Variants in HS6ST1 observed in about 807,000 individuals in gnomAD.
HS6ST1 encodes the protein heparan-sulfate 6-O-sulfotransferase 1.
In HS6ST1, 3 loss-of-function variants were observed where a neutral mutation model predicts 25.2. The observed-to-expected ratio is 0.12, with a 90% CI of 0.05 to 0.31. The LOEUF is 0.31. Among genes scored for constraint, HS6ST1 ranks in the 10% least tolerant of loss-of-function variants. HS6ST1 has a pLI of 1.00. For missense variants in HS6ST1, 310 were observed against 609.6 expected (o/e 0.51, Z 5.18); for synonymous variants, 204 against 275.1 (o/e 0.74, Z 2.56).
At chr2:128,277,360 A>T (rs1444051841) in intron 1 of HS6ST1, among the ~76,000 whole-genome samples, 1 of 152,188 alleles carries the variant, frequency 6.6e-6, no homozygotes, top group African/African-American at 2.4e-5. Flanking sequence ...CGTGCCATGT[A>T]CTGGGACAGA....
chr2:128,294,113 C>T (rs1386436645), intron 1 of HS6ST1, among the ~76,000 whole-genome samples: 2 of 152,188 alleles, frequency 1.3e-5, no homozygotes, highest in Non-Finnish European at 2.9e-5. Context: ...TGGAAACCTG[C>T]CCCAAACTCC....
intron 1 of HS6ST1, among the ~76,000 whole-genome samples, chr2:128,295,450 C>T (rs1461347898): frequency 1.3e-5 from 2 of 152,228 alleles, no homozygotes; most frequent in Admixed American, 1.3e-4. Context: ...GAGAGGCTCT[C>T]CTGGGACTAA....
intron 1 of HS6ST1, among the ~76,000 whole-genome samples, chr2:128,296,711 T>TA (rs1423926115): frequency 1.3e-5 from 2 of 152,104 alleles, no homozygotes. Context: ...TGAAAGAAAT[T>TA]AAAGACAACC....
chr2:128,313,311 A>G (rs1694317872), intron 1 of HS6ST1, among the ~76,000 whole-genome samples: 1 of 152,238 alleles, frequency 6.6e-6, no homozygotes, highest in Non-Finnish European at 1.5e-5. Context: ...CCCACAGAGT[A>G]CAGAATGAGC....
At chr2:128,282,882 A>G (rs1443860930) in intron 1 of HS6ST1, among the ~76,000 whole-genome samples, 1 of 152,210 alleles carries the variant, frequency 6.6e-6, no homozygotes, top group African/African-American at 2.4e-5. Context: ...GCTGCAGGCC[A>G]CAGCTCCTAA....
At position 128,270,722 on chromosome 2, in the gene HS6ST1, TG is replaced by T. The variant is rs535482468; in HGVS notation, c.528-1853del. Among the ~76,000 whole-genome samples, 242 of 152,282 alleles carry T rather than the reference TG, an allele frequency of 1.6e-3. 1 individual carries two copies. Among genetic ancestry groups the T allele is most frequent in the African/African-American group, 5.5e-3 (228 of 41,560 alleles). On this transcript the variant is annotated intron_variant, in intron 1 of 1. Transcript: ENST00000259241. ...CATGGACCTCCGCTCCCCACTCCTG[TG>T]GGGCCGTGACCAAATGGATGGAGAC...
intron 1 of HS6ST1, among the ~76,000 whole-genome samples, chr2:128,270,560 G>A (rs1693595076): frequency 6.6e-6 from 1 of 152,216 alleles, no homozygotes; most frequent in African/African-American, 2.4e-5. Context: ...TAATGACCAA[G>A]GGCCAGGGAG....
chr2:128,277,808 A>G (rs1035666746), intron 1 of HS6ST1, among the ~76,000 whole-genome samples: 4 of 152,270 alleles, frequency 2.6e-5, no homozygotes, highest in Non-Finnish European at 5.9e-5. Flanking sequence ...ATGCGCTATG[A>G]AATAATTCTA....
chr2:128,305,328 T>C (rs1338664244), intron 1 of HS6ST1, among the ~76,000 whole-genome samples: 1 of 152,226 alleles, frequency 6.6e-6, no homozygotes, highest in East Asian at 1.9e-4. Flanking sequence ...CCGATGGGCC[T>C]GCTTGGACAG....
intron 1 of HS6ST1, among the ~76,000 whole-genome samples, chr2:128,271,866 C>G (rs1020374194): frequency 3.3e-5 from 5 of 152,226 alleles, no homozygotes; most frequent in Non-Finnish European, 7.4e-5. Context: ...TCTTGGCAGC[C>G]AAGCTCGAGC....
At chr2:128,284,502 C>CTCTTTTTTTTTT (rs1553456278) in intron 1 of HS6ST1, among the ~76,000 whole-genome samples, 21 of 104,428 alleles carry the variant, frequency 2.0e-4, no homozygotes, top group East Asian at 1.4e-3. Flanking sequence ...GACATCGTCC[C>CTCTTTTTTTTTT]TCTTTTTTTT....
At chr2:128,282,838 C>T (rs1226781907) in intron 1 of HS6ST1, among the ~76,000 whole-genome samples, 4 of 152,200 alleles carry the variant, frequency 2.6e-5, no homozygotes, top group South Asian at 2.1e-4. Flanking sequence ...GTGCCCAGGG[C>T]GCACAGCCCA....
chr2:128,265,610 CTTTTT>C lies in HS6ST1; in HGVS notation c.*2547_*2551del, dbSNP rs968860821. ...GAATAACCAAAAAATTTCTTCAACA[CTTTTT>C]TTTAAGAAGAAGCTATAAATAAATA... is the stretch of plus-strand genomic sequence containing the variant. On this transcript the variant is annotated 3_prime_UTR_variant, in exon 2 of 2. Transcript: ENST00000259241. 2.6e-5 allele frequency: 4 copies of C among 152,092 alleles called. No individual in the cohort carries two copies. Among genetic ancestry groups the C allele is most frequent in the Admixed American group, 6.6e-5 (1 of 15,266 alleles). 9.4% of individuals were successfully genotyped at this position (152,092 alleles called of 1,614,324 possible).
At chr2:128,310,236 C>T (rs1158425801) in intron 1 of HS6ST1, among the ~76,000 whole-genome samples, 9 of 152,214 alleles carry the variant, frequency 5.9e-5, no homozygotes, top group African/African-American at 1.7e-4. Context: ...CTGGTCTGCA[C>T]AGAGAGGACC....
intron 1 of HS6ST1, among the ~76,000 whole-genome samples, chr2:128,316,552 C>T (rs1013463144): frequency 6.6e-6 from 1 of 152,180 alleles, no homozygotes; most frequent in African/African-American, 2.4e-5. Context: ...GCAGCAGGAA[C>T]GTGCATCTGT....
At chr2:128,297,749 G>A (rs1219039525) in intron 1 of HS6ST1, among the ~76,000 whole-genome samples, 3 of 152,162 alleles carry the variant, frequency 2.0e-5, no homozygotes, top group African/African-American at 4.8e-5. Context: ...CACGAGAATC[G>A]CTTGAACCTG....
chr2:128,299,858 C>T (rs1408594390), intron 1 of HS6ST1, among the ~76,000 whole-genome samples: 5 of 152,196 alleles, frequency 3.3e-5, no homozygotes, highest in Admixed American at 3.3e-4. Context: ...GGGCAGCAGA[C>T]CCCTGGGCTC....
In HS6ST1 at chr2:128,307,844, A is replaced by C. The variant is rs183371993; in HGVS notation, c.527+10193T>G. Reference sequence around the variant, plus strand: ...GACACACTCCTAGGGACACATAGGGACCATGAGCGAGCACCGTGGCCGCAC... The same window carrying C: ...GACACACTCCTAGGGACACATAGGGCCCATGAGCGAGCACCGTGGCCGCAC... On this transcript the variant is annotated intron_variant, in intron 1 of 1. Transcript: ENST00000259241. Among the ~76,000 whole-genome samples, 3 of 152,292 alleles carry C rather than the reference A, an allele frequency of 2.0e-5. No homozygotes were observed. In the East Asian group the frequency reaches 5.8e-4, roughly 29 times the overall value.
At position 128,265,619 on chromosome 2, in the gene HS6ST1, A is replaced by G. The variant is rs564356096; in HGVS notation, c.*2543T>C. The G allele has an allele frequency of 6.6e-6, 1 of 152,330 alleles. No individual in the cohort carries two copies. The highest frequency in any genetic ancestry group is 3.4e-3 in the Middle Eastern group (1 of 294). 9.4% of individuals were successfully genotyped at this position (152,330 alleles called of 1,614,324 possible). A position where few individuals can be genotyped will look rare whatever the true frequency, so the allele number is the denominator to read the frequency against. ...AAAAATTTCTTCAACACTTTTTTTT[A>G]AGAAGAAGCTATAAATAAATAAAGC... On this transcript the variant is annotated 3_prime_UTR_variant, in exon 2 of 2. Transcript: ENST00000259241.
Sources: gnomAD v4.1 joint callset for allele counts (sites outside exome capture counted in the v4.1 genomes callset) on GRCh38, gnomAD v4.1.1 for gene constraint, MANE v1.5 for transcripts, NCBI Gene and HGNC (gene_info 2026-07-23, HGNC 2026-07-21) for gene names.